FAM78B: variants seen among roughly 807,000 people sequenced by gnomAD.
FAM78B encodes the protein family with sequence similarity 78 member B.
Under a neutral mutation model 20.0 loss-of-function variants are expected in FAM78B, and 10 were observed. That is an observed-to-expected ratio of 0.50 (90% CI 0.31 to 0.85). The LOEUF is 0.85. FAM78B is among the 40% of genes least tolerant of loss of function. FAM78B has a pLI of 0.05. For missense variants in FAM78B, 283 were observed against 345.0 expected, an observed-to-expected ratio of 0.82 and a Z score of 1.42; for synonymous variants, 135 against 132.8, an observed-to-expected ratio of 1.02 and a Z score of -0.12.
intron 1 of FAM78B, among the ~76,000 whole-genome samples, chr1:166,140,620 G>A (rs1190400590): frequency 1.3e-5 from 2 of 152,240 alleles, no homozygotes; most frequent in Admixed American, 1.3e-4. Flanking sequence ...TGCTGAATAA[G>A]CCATCAAGGC....
Position 166,070,346 on chromosome 1 carries a change from T to C in FAM78B, c.681A>G (p.Glu227=). 1 of 1,612,172 alleles carries C rather than the reference T, an allele frequency of 6.2e-7. No individual in the cohort carries two copies. The highest frequency in any genetic ancestry group is 8.5e-7 in the Non-Finnish European group (1 of 1,178,840). ...QEQPRILSRM[E]PIPPNALVKP... The stretch of plus-strand genomic sequence containing the variant: ...TCACTAGTGCATTAGGGGGGATGGG[T>C]TCCATCCGGCTCAGGATCCGGGGCT... Residue 227 remains glutamate, a synonymous_variant, in exon 2 of 2, where the codon GAA becomes GAG. Transcript: ENST00000354422.
intron 1 of FAM78B, among the ~76,000 whole-genome samples, chr1:166,131,439 C>T (rs1654875335): frequency 6.6e-6 from 1 of 152,170 alleles, no homozygotes; most frequent in Non-Finnish European, 1.5e-5. Flanking sequence ...CTCCACTGTT[C>T]CACGTTACAG....
chr1:166,094,945 T>A (rs1653220352), intron 1 of FAM78B, among the ~76,000 whole-genome samples: 1 of 152,134 alleles, frequency 6.6e-6, no homozygotes, highest in Admixed American at 6.5e-5. Context: ...ATTATTAGAT[T>A]GGTTCTGTCT....
intron 1 of FAM78B, among the ~76,000 whole-genome samples, chr1:166,123,683 C>A (rs1654542450): frequency 6.6e-6 from 1 of 152,128 alleles, no homozygotes; most frequent in Non-Finnish European, 1.5e-5. Flanking sequence ...AAGTTCCTAG[C>A]AGAAAAGAAC....
At chr1:166,088,681 T>A (rs1281668319) in intron 1 of FAM78B, among the ~76,000 whole-genome samples, 2 of 152,150 alleles carry the variant, frequency 1.3e-5, no homozygotes, top group Non-Finnish European at 2.9e-5. Context: ...TTCAATCCTC[T>A]GTGAAGGGCT....
downstream of FAM78B, among the ~76,000 whole-genome samples, chr1:166,066,619 A>C (rs4262520): frequency 0.25 from 37,350 of 152,162 alleles, 5,230 homozygotes; most frequent in Middle Eastern, 0.33. Flanking sequence ...AATGGGAATA[A>C]TACTACTCAT....
chr1:166,145,980 T>C (rs77529684), intron 1 of FAM78B, among the ~76,000 whole-genome samples: 2,095 of 152,282 alleles, frequency 0.014, 48 homozygotes, highest in African/African-American at 0.048. Context: ...TAAGTCTCAG[T>C]CTTAGTTCTT....
chr1:166,120,492 G>A (rs1654425082), intron 1 of FAM78B, among the ~76,000 whole-genome samples: 1 of 152,218 alleles, frequency 6.6e-6, no homozygotes, highest in Non-Finnish European at 1.5e-5. Context: ...TGTATATCAT[G>A]TTGAAACGAG....
intron 1 of FAM78B, among the ~76,000 whole-genome samples, chr1:166,130,207 A>G (rs1356099409): frequency 6.6e-6 from 1 of 152,264 alleles, no homozygotes; most frequent in East Asian, 1.9e-4. Context: ...CTTCACACAC[A>G]GTAAATATCA....
At chr1:166,084,040 C>T (rs1652693309) in intron 1 of FAM78B, among the ~76,000 whole-genome samples, 2 of 151,824 alleles carry the variant, frequency 1.3e-5, no homozygotes, top group Admixed American at 1.3e-4. Context: ...GGGTAGATGG[C>T]CACACTTTAT....
chr1:166,086,466 G>T (rs1652835046), intron 1 of FAM78B, among the ~76,000 whole-genome samples: 2 of 152,136 alleles, frequency 1.3e-5, no homozygotes, highest in East Asian at 3.9e-4. Context: ...ACCAAATAAT[G>T]CTCAAGGTGT....
chr1:166,121,798 C>T (rs776279025), intron 1 of FAM78B, among the ~76,000 whole-genome samples: 30 of 152,148 alleles, frequency 2.0e-4, no homozygotes, highest in Non-Finnish European at 3.2e-4. Flanking sequence ...AAGCAACTTG[C>T]CCAAAGTCGT....
At chr1:166,158,581 C>T (rs1656008098) in intron 1 of FAM78B, among the ~76,000 whole-genome samples, 1 of 152,186 alleles carries the variant, frequency 6.6e-6, no homozygotes, top group South Asian at 2.1e-4. Flanking sequence ...TCTTTTCCTT[C>T]CCAAACAGCA....
At chr1:166,080,648 T>G (rs1652529567) in intron 1 of FAM78B, among the ~76,000 whole-genome samples, 1 of 152,240 alleles carries the variant, frequency 6.6e-6, no homozygotes, top group South Asian at 2.1e-4. Flanking sequence ...GCTCTACTAT[T>G]TGGGTATGTG....
chr1:166,070,619 G>A lies in FAM78B; in HGVS notation c.408C>T (p.Val136=), dbSNP rs377247495. Residue 136 remains valine, a synonymous_variant, in exon 2 of 2, where the codon GTC becomes GTT. Coordinates refer to ENST00000354422, the MANE Select transcript of FAM78B (RefSeq NM_001017961.5). Reference sequence around the variant, plus strand: ...TGGGGTAGAAGTTGTCATTCATGCTGACGGAGAACCTGGAGATCTTGTTGG... The same window carrying A: ...TGGGGTAGAAGTTGTCATTCATGCTAACGGAGAACCTGGAGATCTTGTTGG... ...GPTNKISRFS[V]SMNDNFYPSV... is the part of the protein sequence containing the mutation. 1 of 1,613,608 alleles carries A rather than the reference G, an allele frequency of 6.2e-7. No homozygotes were observed. Among genetic ancestry groups the A allele is most frequent in the African/African-American group, 1.3e-5 (1 of 74,924 alleles).
At chr1:166,132,147 A>C (rs1455561828) in intron 1 of FAM78B, among the ~76,000 whole-genome samples, 1 of 152,184 alleles carries the variant, frequency 6.6e-6, no homozygotes, top group Non-Finnish European at 1.5e-5. Context: ...TCATAAAATA[A>C]AGTAAATATG....
rs1194259378 is a variant in FAM78B, at chr1:166,107,717, C to T, written c.264-36954G>A. On this transcript the variant is annotated intron_variant, in intron 1 of 1. Transcript: ENST00000354422. ...AAGAAAACTACAGACTGAATATCCT[C>T]GGTGAACATAGACGCTAAAATCCTC... Among the ~76,000 whole-genome samples, 3 of 152,058 alleles carry T rather than the reference C, an allele frequency of 2.0e-5. 1 individual carries two copies. Among genetic ancestry groups the T allele is most frequent in the Non-Finnish European group, 4.4e-5 (3 of 67,974 alleles).
intron 1 of FAM78B, among the ~76,000 whole-genome samples, chr1:166,095,962 G>A (rs1326055267): frequency 6.6e-6 from 1 of 152,110 alleles, no homozygotes; most frequent in Non-Finnish European, 1.5e-5. Context: ...AGCTGGAAAT[G>A]GCAGCACCTA....
intron 1 of FAM78B, among the ~76,000 whole-genome samples, chr1:166,127,293 G>A (rs150840578): frequency 6.6e-4 from 100 of 152,278 alleles, no homozygotes; most frequent in African/African-American, 2.3e-3. Context: ...TTCTGCCCTA[G>A]ACAGAGACTG....
Sources: allele counts gnomAD v4.1 joint callset (sites outside exome capture counted in the v4.1 genomes callset), GRCh38; gene constraint gnomAD v4.1.1; transcripts MANE v1.5; gene names NCBI Gene and HGNC (gene_info 2026-07-23, HGNC 2026-07-21).